The following BABAM2 variants were observed in gnomAD, a reference collection of about 807,000 sequenced individuals.
The protein encoded by BABAM2 is BRISC and BRCA1-A complex member 2.
In BABAM2, 31 loss-of-function variants were observed where a neutral mutation model predicts 54.7. That is an observed-to-expected ratio of 0.57 (90% CI 0.43 to 0.77). The LOEUF (loss-of-function observed/expected upper bound fraction) is 0.77, where lower values mean the gene tolerates loss of function less well. Ranked by LOEUF, BABAM2 falls within the 30% of genes least tolerant of loss-of-function variation. The probability of loss-of-function intolerance (pLI) is 0.00; values close to 1 mark genes in which losing one functional copy is unlikely to be tolerated. For missense variants in BABAM2, 364 were observed against 455.8 expected, an observed-to-expected ratio of 0.80 and a Z score of 1.83; for synonymous variants, 167 against 162.9, an observed-to-expected ratio of 1.03 and a Z score of -0.19.
At chr2:28,109,961 A>G (rs1340100616) in intron 6 of BABAM2, among the ~76,000 whole-genome samples, 4 of 152,178 alleles carry the variant, frequency 2.6e-5, no homozygotes, top group Non-Finnish European at 4.4e-5. Context: ...TTGTGCGACC[A>G]TCATGACATC....
chr2:28,015,889 A>G (rs61999343), intron 4 of BABAM2: 103 of 596,338 alleles, frequency 1.7e-4, no homozygotes, highest in Admixed American at 9.5e-4. Context: ...TACCTCCTCC[A>G]TATACTCTGA....
intron 1 of BABAM2, among the ~76,000 whole-genome samples, chr2:27,894,320 C>T (rs954521142): frequency 6.6e-6 from 1 of 152,136 alleles, no homozygotes; most frequent in African/African-American, 2.4e-5. Context: ...CCTTCTGTTC[C>T]TGAAAAGCAG....
chr2:28,326,859 C>T (rs1690503530), intron 11 of BABAM2, among the ~76,000 whole-genome samples: 1 of 152,252 alleles, frequency 6.6e-6, no homozygotes, highest in Non-Finnish European at 1.5e-5. Context: ...ACCATCCTAA[C>T]CTCCCGCCCT....
chr2:28,175,754 A>C (rs887925451), intron 7 of BABAM2, among the ~76,000 whole-genome samples: 1 of 152,186 alleles, frequency 6.6e-6, no homozygotes, highest in African/African-American at 2.4e-5. Context: ...CTGGCACCTG[A>C]GCAAGCCACG....
chr2:27,903,621 T>C (rs1238746052), intron 2 of BABAM2, among the ~76,000 whole-genome samples: 1 of 152,196 alleles, frequency 6.6e-6, no homozygotes, highest in Non-Finnish European at 1.5e-5. Flanking sequence ...CCCTAGTAGA[T>C]GCCTGAAACC....
At chr2:28,081,275 T>G (rs1437426091) in intron 6 of BABAM2, among the ~76,000 whole-genome samples, 5 of 152,128 alleles carry the variant, frequency 3.3e-5, no homozygotes, top group Non-Finnish European at 7.4e-5. Flanking sequence ...CACAGCCCTT[T>G]AAGATATACA....
At chr2:28,192,522 T>A (rs1326704959) in intron 7 of BABAM2, among the ~76,000 whole-genome samples, 1 of 87,192 alleles carries the variant, frequency 1.1e-5, no homozygotes, top group African/African-American at 3.3e-5. Flanking sequence ...TAGCTCTTTT[T>A]TTTTTTTTTT....
rs145252647 is a variant in BABAM2 at position 28,303,111 on chromosome 2, C to T, written c.1088+4620C>T. On this transcript the variant is annotated intron_variant, in intron 11 of 11. Transcript: ENST00000379624. ...CTCAAGTGATCCTTGATCCTCCCGC[C>T]GCAGCCTCCCAAAATCTTGGGATTA... 7.2e-3 allele frequency among the ~76,000 whole-genome samples: 1,088 copies of T among 152,110 alleles called. 9 individuals are homozygous for T. Among genetic ancestry groups the T allele is most frequent in the African/African-American group, 0.025 (1,027 of 41,488 alleles).
chr2:27,890,419 C>T (rs560275212), upstream of BABAM2: 12 of 1,422,184 alleles, frequency 8.4e-6, no homozygotes, highest in Non-Finnish European at 1.2e-5. The surrounding 1 kb of genome is among the most constrained non-coding windows in gnomAD (Gnocchi z 4.8). Context: ...AGAGACGCCA[C>T]TCCTGCCCTC....
chr2:28,266,894 G>A (rs973071576), intron 10 of BABAM2, among the ~76,000 whole-genome samples: 2 of 152,188 alleles, frequency 1.3e-5, no homozygotes, highest in African/African-American at 4.8e-5. Context: ...AGTGGCTCAC[G>A]CCTGTAATCC....
At chr2:28,137,562 C>T (rs1478687374) in intron 7 of BABAM2, among the ~76,000 whole-genome samples, 1 of 152,120 alleles carries the variant, frequency 6.6e-6, no homozygotes, top group Non-Finnish European at 1.5e-5. Context: ...TCAGCCTTTG[C>T]TTTGAAATAT....
chr2:28,204,957 GT>G (rs933906946), intron 7 of BABAM2, among the ~76,000 whole-genome samples: 4 of 145,544 alleles, frequency 2.7e-5, no homozygotes, highest in Admixed American at 6.8e-5. Context: ...CAGTAAAAAA[GT>G]TTTTTTTTAA....
At chr2:28,157,984 G>A (rs1228339491) in intron 7 of BABAM2, among the ~76,000 whole-genome samples, 1 of 152,156 alleles carries the variant, frequency 6.6e-6, no homozygotes, top group Non-Finnish European at 1.5e-5. Flanking sequence ...ACCTACTAAT[G>A]ATATAATCAT....
At chr2:28,235,363 G>A (rs1488138027) in intron 7 of BABAM2, among the ~76,000 whole-genome samples, 2 of 152,060 alleles carry the variant, frequency 1.3e-5, no homozygotes, top group Non-Finnish European at 2.9e-5. Context: ...TTTTAGTAGA[G>A]ACAGGGTTTC....
intron 2 of BABAM2, among the ~76,000 whole-genome samples, chr2:27,914,143 A>G (rs1666797101): frequency 6.6e-6 from 1 of 152,180 alleles, no homozygotes; most frequent in Non-Finnish European, 1.5e-5. Flanking sequence ...TAACCATATG[A>G]TCTATGAACC....
intron 7 of BABAM2, among the ~76,000 whole-genome samples, chr2:28,167,991 A>T (rs963835621): frequency 6.6e-6 from 1 of 152,198 alleles, no homozygotes; most frequent in Non-Finnish European, 1.5e-5. Flanking sequence ...AAGACCACAC[A>T]GCTAGTAAAT....
chr2:27,953,034 T>C (rs962470924), intron 3 of BABAM2, among the ~76,000 whole-genome samples: 16 of 152,102 alleles, frequency 1.1e-4, no homozygotes, highest in Non-Finnish European at 2.2e-4. Flanking sequence ...CTCTCTCTCT[T>C]TTTTTGAAAC....
chr2:28,054,512 A>G (rs922129238), intron 6 of BABAM2, among the ~76,000 whole-genome samples: 6 of 152,158 alleles, frequency 3.9e-5, no homozygotes, highest in African/African-American at 7.2e-5. Flanking sequence ...AGGTGATGGT[A>G]TTAGGAGTTA....
intron 6 of BABAM2, among the ~76,000 whole-genome samples, chr2:28,074,031 A>G (rs1348364870): frequency 6.6e-6 from 1 of 152,134 alleles, no homozygotes. Context: ...ATATACACAT[A>G]TATATACACA....
Sources: gnomAD v4.1 joint callset for allele counts (sites outside exome capture counted in the v4.1 genomes callset) on GRCh38, gnomAD v4.1.1 for gene constraint, Gnocchi (gnomAD v3.1) non-coding constraint, MANE v1.5 for transcripts, NCBI Gene and HGNC (gene_info 2026-07-23, HGNC 2026-07-21) for gene names.